The following GRIN3A variants were observed in gnomAD, a reference collection of about 807,000 sequenced individuals.
The protein encoded by GRIN3A is glutamate ionotropic receptor NMDA type subunit 3A.
GRIN3A carries 47 observed loss-of-function variants against 92.4 expected under a neutral mutation model. The observed-to-expected ratio is 0.51, with a 90% confidence interval of 0.40 to 0.65. The LOEUF (loss-of-function observed/expected upper bound fraction) is 0.65. GRIN3A is among the 30% of genes least tolerant of loss of function. The pLI is 0.00. For missense variants in GRIN3A, 1,324 were observed against 1,393.1 expected, an observed-to-expected ratio of 0.95 and a Z score of 0.79; for synonymous variants, 527 against 540.6, an observed-to-expected ratio of 0.97 and a Z score of 0.35.
chr9:101,708,236 A>C (rs975254342), intron 1 of GRIN3A, among the ~76,000 whole-genome samples: 6 of 152,178 alleles, frequency 3.9e-5, no homozygotes, highest in Non-Finnish European at 8.8e-5. Context: ...TGTGATCTTG[A>C]TTTTAAGACT....
At position 101,670,493 on chromosome 9, in the gene GRIN3A, T is replaced by C; in HGVS notation, c.1919A>G (p.Gln640Arg). 6.2e-7 allele frequency: 1 copy of C among 1,614,022 alleles called. No individual in the cohort carries two copies. Among genetic ancestry groups the C allele is most frequent in the Non-Finnish European group, 8.5e-7 (1 of 1,179,958 alleles). The change falls in exon 3 of 9, where the codon CAG (glutamine) becomes CGG (arginine). Residue 640 changes from glutamine (Q) to arginine (R), a missense_variant. Coordinates refer to ENST00000361820, the MANE Select transcript of GRIN3A (RefSeq NM_133445.3). ...GAAAGGGCTGGTGAAATCTATCACCTGGCTCCGTGCAGTATTGATGCTAAA... is the reference window on the plus strand; with the variant it reads ...GAAAGGGCTGGTGAAATCTATCACCCGGCTCCGTGCAGTATTGATGCTAAA... ...TSFSINTARS[Q>R]VIDFTSPFFS...
At chr9:101,681,314 T>C (rs1829463637) in intron 2 of GRIN3A, among the ~76,000 whole-genome samples, 1 of 152,254 alleles carries the variant, frequency 6.6e-6, no homozygotes, top group Non-Finnish European at 1.5e-5. Context: ...TGTATTACTT[T>C]ATTTGGTTAA....
chr9:101,692,927 A>G (rs976304055), intron 1 of GRIN3A, among the ~76,000 whole-genome samples: 34 of 152,310 alleles, frequency 2.2e-4, no homozygotes, highest in African/African-American at 7.9e-4. Flanking sequence ...ATTGTAATTT[A>G]ATAATAATTA....
chr9:101,726,956 G>A (rs1432736890), intron 1 of GRIN3A, among the ~76,000 whole-genome samples: 1 of 152,010 alleles, frequency 6.6e-6, no homozygotes, highest in Non-Finnish European at 1.5e-5. Flanking sequence ...ATTATTATAA[G>A]GGATCAAGGA....
At chr9:101,608,845 A>G (rs1306987527) in intron 6 of GRIN3A, among the ~76,000 whole-genome samples, 2 of 152,178 alleles carry the variant, frequency 1.3e-5, no homozygotes, top group East Asian at 3.9e-4. Context: ...GAATATTCAT[A>G]TTTTAGGATA....
intron 5 of GRIN3A, among the ~76,000 whole-genome samples, chr9:101,618,124 A>T (rs1405099636): frequency 6.6e-6 from 1 of 151,856 alleles, no homozygotes; most frequent in East Asian, 1.9e-4. Context: ...GGACATAGGC[A>T]TGGGCAAGGA....
intron 1 of GRIN3A, among the ~76,000 whole-genome samples, chr9:101,716,429 A>T (rs1332053273): frequency 5.3e-5 from 8 of 152,166 alleles, no homozygotes; most frequent in African/African-American, 1.9e-4. Flanking sequence ...TACCTCAAAC[A>T]CTATGAGTAG....
At chr9:101,673,313 C>T (rs1290194327) in intron 2 of GRIN3A, among the ~76,000 whole-genome samples, 2 of 152,032 alleles carry the variant, frequency 1.3e-5, no homozygotes, top group Admixed American at 1.3e-4. Context: ...TATTAAATAA[C>T]ATTTAAGATG....
intron 1 of GRIN3A, among the ~76,000 whole-genome samples, chr9:101,706,541 A>AT (rs1829817954): frequency 6.6e-6 from 1 of 152,236 alleles, no homozygotes; most frequent in African/African-American, 2.4e-5. Flanking sequence ...TCAGAATCAG[A>AT]TTATGCAATC....
intron 2 of GRIN3A, among the ~76,000 whole-genome samples, chr9:101,674,013 T>C (rs916534667): frequency 6.6e-6 from 1 of 152,054 alleles, no homozygotes; most frequent in Admixed American, 6.6e-5. Context: ...GAGCTGAGTC[T>C]TGAAGAAGGA....
intron 3 of GRIN3A, among the ~76,000 whole-genome samples, chr9:101,636,869 C>T (rs970823438): frequency 6.6e-6 from 1 of 152,188 alleles, no homozygotes; most frequent in Non-Finnish European, 1.5e-5. Flanking sequence ...CATATTATTT[C>T]ATTCACAAGT....
chr9:101,597,073 C>G (rs1340648937), intron 6 of GRIN3A, among the ~76,000 whole-genome samples: 1 of 152,208 alleles, frequency 6.6e-6, no homozygotes, highest in African/African-American at 2.4e-5. Context: ...TTCACTCTCT[C>G]CTATGGTAAA....
At chr9:101,618,882 T>C (rs1056342014) in intron 5 of GRIN3A, among the ~76,000 whole-genome samples, 2 of 152,244 alleles carry the variant, frequency 1.3e-5, no homozygotes, top group Non-Finnish European at 2.9e-5. Context: ...TCATTATTAC[T>C]AGAAATGTGG....
intron 3 of GRIN3A, among the ~76,000 whole-genome samples, chr9:101,636,772 T>G (rs2118894082): frequency 6.6e-6 from 1 of 152,262 alleles, no homozygotes; most frequent in African/African-American, 2.4e-5. Context: ...GACCTTTGGG[T>G]TTATAAACAA....
At chr9:101,601,821 G>T (rs1396179172) in intron 6 of GRIN3A, among the ~76,000 whole-genome samples, 2 of 152,110 alleles carry the variant, frequency 1.3e-5, no homozygotes, top group Non-Finnish European at 2.9e-5. Context: ...TGGATTCGGG[G>T]TTCACTCTTG....
chr9:101,724,303 C>T (rs1000108680), intron 1 of GRIN3A, among the ~76,000 whole-genome samples: 3 of 152,070 alleles, frequency 2.0e-5, no homozygotes, highest in East Asian at 1.9e-4. Flanking sequence ...AGCGCAGCGC[C>T]GGTGGGCTGG....
rs1275396930 is a variant in GRIN3A, at chr9:101,686,674, T to C, written c.1226A>G (p.Glu409Gly). The C allele has an allele frequency of 1.2e-6, 2 of 1,614,172 alleles. No individual in the cohort carries two copies. The highest frequency in any genetic ancestry group is 2.2e-5 in the South Asian group (2 of 91,088). Residue 409 changes from glutamate to glycine, a missense_variant, in exon 2 of 9, where the codon GAA (glutamate) becomes GGA (glycine). Coordinates refer to ENST00000361820, the MANE Select transcript of GRIN3A (RefSeq NM_133445.3). ...AVATATMIQP[E>G]LALIPSTMNC... ...CATCGTGCTGGGAATGAGAGCAAGTTCTGGTTGGATCATGGTGGCTGTGGC... is the reference window on the plus strand; with the variant it reads ...CATCGTGCTGGGAATGAGAGCAAGTCCTGGTTGGATCATGGTGGCTGTGGC...
chr9:101,691,641 ATGGTTG>A (rs1829622325), intron 1 of GRIN3A, among the ~76,000 whole-genome samples: 1 of 152,174 alleles, frequency 6.6e-6, no homozygotes, highest in African/African-American at 2.4e-5. Context: ...TCTCAGATAA[ATGGTTG>A]GAGCCACCAT....
chr9:101,590,051 A>G (rs1220764084), intron 6 of GRIN3A, among the ~76,000 whole-genome samples: 1 of 152,324 alleles, frequency 6.6e-6, no homozygotes, highest in South Asian at 2.1e-4. Context: ...TAATTTTTAA[A>G]AAACATTGTG....
Sources: allele counts gnomAD v4.1 joint callset (sites outside exome capture counted in the v4.1 genomes callset), GRCh38; gene constraint gnomAD v4.1.1; transcripts MANE v1.5; gene names NCBI Gene and HGNC (gene_info 2026-07-23, HGNC 2026-07-21).